The following NCOA3 variants were observed in gnomAD, a reference collection of about 807,000 sequenced individuals.
NCOA3 encodes the protein nuclear receptor coactivator 3, also known as CBP-interacting protein.
A neutral mutation model predicts 158.8 loss-of-function variants in NCOA3; 51 were observed. The ratio of observed to expected loss-of-function variants is 0.32; its 90% CI spans 0.26 to 0.41. The LOEUF (loss-of-function observed/expected upper bound fraction) is 0.41, where lower values mean the gene tolerates loss of function less well. Among genes scored for constraint, NCOA3 ranks in the 10% least tolerant of loss-of-function variants. The probability of loss-of-function intolerance (pLI) is 1.00; values close to 1 mark genes in which losing one functional copy is unlikely to be tolerated. For missense variants in NCOA3, 1,510 were observed against 1,746.6 expected (o/e 0.86, Z 2.41); for synonymous variants, 537 against 592.4 (o/e 0.91, Z 1.36).
At chr20:47,600,554 T>C (rs1199223252) in intron 2 of NCOA3, among the ~76,000 whole-genome samples, 1 of 151,324 alleles carries the variant, frequency 6.6e-6, no homozygotes. Context: ...AGTCTCAGTC[T>C]GTCACCCAGG....
At chr20:47,651,839 T>A (rs72645300) in intron 20 of NCOA3, among the ~76,000 whole-genome samples, 32 of 151,580 alleles carry the variant, frequency 2.1e-4, no homozygotes, top group East Asian at 3.9e-4. Flanking sequence ...TTTTTTTTTT[T>A]AAATTTTTAA....
Position 47,635,603 on chromosome 20 carries a change from G to GC in NCOA3, c.1400dup (p.His468ThrfsTer19). The GC allele has an allele frequency of 6.2e-7, 1 of 1,614,160 alleles. No individual in the cohort carries two copies. Among genetic ancestry groups the GC allele is most frequent in the Non-Finnish European group, 8.5e-7 (1 of 1,180,038 alleles). On this transcript the variant is annotated frameshift_variant, in exon 11 of 23. Coordinates refer to ENST00000371998, the MANE Select transcript of NCOA3 (RefSeq NM_181659.3). LOFTEE classifies it high-confidence loss of function. ...AACAACTATGGGCTCAACATGAGTA[G>GC]CCCCCCACATGGGAGTCCTGGTCTT...
intron 1 of NCOA3, among the ~76,000 whole-genome samples, chr20:47,522,406 C>CTTTTTTTTTTTTTTTT (rs3091963): frequency 4.1e-4 from 53 of 128,122 alleles, no homozygotes; most frequent in African/African-American, 1.6e-3. Context: ...GCGCCCGGCC[C>CTTTTTTTTTTTTTTTT]TTTTTTTTTT....
chr20:47,564,438 C>G (rs1264293086), intron 1 of NCOA3, among the ~76,000 whole-genome samples: 7 of 152,042 alleles, frequency 4.6e-5, no homozygotes, highest in Non-Finnish European at 7.3e-5. Flanking sequence ...GTGCAAGTTA[C>G]TGGGGATATA....
Position 47,651,202 on chromosome 20 carries a change from G to T in NCOA3, c.3872G>T (p.Ser1291Ile). The part of the protein sequence containing the change: ...SPPPNVTASP[S>I]MDGLLAGPTM... ...CCTCCTAATGTGACTGCTTCCCCCA[G>T]CATGGATGGGCTTTTGGCAGGACCC... Residue 1291 changes from serine (S) to isoleucine (I), a missense_variant, in exon 20 of 23, where the codon AGC (serine) becomes ATC (isoleucine). Transcript: ENST00000371998. 1 of 1,614,052 alleles carries T rather than the reference G, an allele frequency of 6.2e-7. No individual in the cohort carries two copies. The highest frequency in any genetic ancestry group is 1.1e-5 in the South Asian group (1 of 91,076).
intron 2 of NCOA3, 129 bp from the exon 3 acceptor site, chr20:47,622,100 A>T: frequency 1.8e-6 from 1 of 548,682 alleles, no homozygotes. Flanking sequence ...GAAAAAGAAT[A>T]TTGAGAATTA....
At chr20:47,618,674 A>G (rs1295971517) in intron 2 of NCOA3, among the ~76,000 whole-genome samples, 1 of 152,068 alleles carries the variant, frequency 6.6e-6, no homozygotes, top group Non-Finnish European at 1.5e-5. Context: ...ACCTTTTTGG[A>G]TAATTAGGTT....
At chr20:47,534,282 AAG>A (rs1015699487) in intron 1 of NCOA3, among the ~76,000 whole-genome samples, 14 of 151,846 alleles carry the variant, frequency 9.2e-5, no homozygotes, top group Non-Finnish European at 1.8e-4. Context: ...AAAAAAAAAA[AAG>A]ATTTATTTGC....
chr20:47,511,550 T>TAC lies in NCOA3; in HGVS notation c.-99+9532_-99+9533insCA, dbSNP rs1556556370. On this transcript the variant is annotated intron_variant, in intron 1 of 22. Transcript: ENST00000371998. ...ATATATATATATATATATATATATA[T>TAC]ATATATTTCTTTTTTTTTTTGAGAC... Among the ~76,000 whole-genome samples, 14 of 52,270 alleles carry TAC rather than the reference T, an allele frequency of 2.7e-4. 3 individuals are homozygous for TAC. Among genetic ancestry groups the TAC allele is most frequent in the Non-Finnish European group, 3.2e-4 (8 of 25,114 alleles). The allele number at this position is 52,270 out of a possible 152,430, so 34.3% of individuals were successfully genotyped here. A position where few individuals can be genotyped will look rare whatever the true frequency, so the allele number is the denominator to read the frequency against.
intron 1 of NCOA3, among the ~76,000 whole-genome samples, chr20:47,571,225 G>C (rs1042223586): frequency 6.6e-6 from 1 of 151,326 alleles, no homozygotes; most frequent in Non-Finnish European, 1.5e-5. Context: ...GGCAGGTCTA[G>C]AACTCCTGAC....
chr20:47,627,322 A>T (rs1050290443), intron 6 of NCOA3, 146 bp downstream of exon 6: 4 of 743,890 alleles, frequency 5.4e-6, no homozygotes, highest in Non-Finnish European at 8.5e-6. Context: ...TCACATATGG[A>T]GTCAGTGAAT....
intron 8 of NCOA3, among the ~76,000 whole-genome samples, chr20:47,632,837 C>G (rs925535491): frequency 1.9e-4 from 29 of 151,584 alleles, no homozygotes; most frequent in Non-Finnish European, 3.4e-4. Flanking sequence ...CGCACACTCC[C>G]ATGCCCAGCT....
intron 1 of NCOA3, among the ~76,000 whole-genome samples, chr20:47,564,989 GT>G (rs533056879): frequency 1.7e-4 from 25 of 147,670 alleles, no homozygotes; most frequent in African/African-American, 3.2e-4. Flanking sequence ...TAGGGTGGTG[GT>G]TTTTTTTTTA....
intron 17 of NCOA3, among the ~76,000 whole-genome samples, chr20:47,646,223 G>C (rs538382700): frequency 6.6e-6 from 1 of 152,186 alleles, no homozygotes; most frequent in African/African-American, 2.4e-5. Flanking sequence ...ATATTATATA[G>C]TTGTTACACT....
intron 1 of NCOA3, among the ~76,000 whole-genome samples, chr20:47,519,298 G>A (rs538064003): frequency 5.3e-5 from 8 of 152,170 alleles, no homozygotes; most frequent in African/African-American, 1.9e-4. Context: ...CAGGCGTGGT[G>A]GCGTGTGCCT....
intron 20 of NCOA3, 61 bp downstream of exon 20, chr20:47,651,337 A>G: frequency 6.5e-7 from 1 of 1,534,624 alleles, no homozygotes; most frequent in Non-Finnish European, 8.8e-7. Flanking sequence ...CATAAGCTTC[A>G]TTACATTTAT....
At chr20:47,629,902 T>C (rs78083172) in intron 8 of NCOA3, among the ~76,000 whole-genome samples, 36 of 152,232 alleles carry the variant, frequency 2.4e-4, no homozygotes, top group African/African-American at 8.4e-4. Context: ...ATTATAAAAG[T>C]TAGAAATTAC....
At chr20:47,639,495 G>T in intron 14 of NCOA3, 82 bp from the exon 15 acceptor site, 1 of 1,533,424 alleles carries the variant, frequency 6.5e-7, no homozygotes. Context: ...GGTTGATGTT[G>T]TGTATAATGG....
chr20:47,603,606 A>ATG (rs1373213068), intron 2 of NCOA3, among the ~76,000 whole-genome samples: 34 of 152,216 alleles, frequency 2.2e-4, no homozygotes, highest in Admixed American at 2.2e-3. Flanking sequence ...AGGATGGTGA[A>ATG]TGTGGGGATT....
Sources: gnomAD v4.1 joint callset for allele counts (sites outside exome capture counted in the v4.1 genomes callset) on GRCh38, gnomAD v4.1.1 for gene constraint, MANE v1.5 for transcripts, NCBI Gene and HGNC (gene_info 2026-07-23, HGNC 2026-07-21) for gene names.